ASAP1: variants seen among roughly 807,000 people sequenced by gnomAD.
ASAP1 encodes ArfGAP with SH3 domain, ankyrin repeat and PH domain 1, also known as arf-GAP with SH3 domain, ANK repeat and PH domain-containing protein 1.
In ASAP1, 43 loss-of-function variants were observed where a neutral mutation model predicts 145.2. That is an observed-to-expected ratio of 0.30 (90% CI 0.23 to 0.38). ASAP1 has a LOEUF of 0.38. Among genes scored for constraint, ASAP1 ranks in the 10% least tolerant of loss-of-function variants. The pLI, the probability that ASAP1 is intolerant of heterozygous loss-of-function variation, is 1.00. For missense variants in ASAP1, 1,018 were observed against 1,355.3 expected, an observed-to-expected ratio of 0.75 and a Z score of 3.91; for synonymous variants, 546 against 515.5, an observed-to-expected ratio of 1.06 and a Z score of -0.80.
chr8:130,087,139 C>A (rs2097495195), intron 25 of ASAP1, among the ~76,000 whole-genome samples: 1 of 152,270 alleles, frequency 6.6e-6, no homozygotes, highest in African/African-American at 2.4e-5. Flanking sequence ...TCAGCCATGG[C>A]TACTCTGCAA....
rs907234279 is a variant in ASAP1 at position 130,053,943 on chromosome 8, T to C, written c.*788A>G. On this transcript the variant is annotated 3_prime_UTR_variant, in exon 30 of 30. Coordinates refer to ENST00000518721, the MANE Select transcript of ASAP1 (RefSeq NM_018482.4). ...TAAGCTTCTAAATGCATGCGTAATG[T>C]AGAGGCTAATATTTTCTGGCAGTCC... The C allele has an allele frequency of 1.3e-5, 2 of 152,644 alleles. No individual in the cohort carries two copies. The highest frequency in any genetic ancestry group is 2.9e-5 in the Non-Finnish European group (2 of 68,034). The allele number at this position is 152,644 out of a possible 1,614,324, so 9.5% of individuals were successfully genotyped here.
At chr8:130,107,209 G>A (rs763073750) in intron 24 of ASAP1, among the ~76,000 whole-genome samples, 9 of 140,166 alleles carry the variant, frequency 6.4e-5, no homozygotes, top group Non-Finnish European at 1.1e-4. Context: ...TTGAGACGGA[G>A]TCTCACCCTG....
chr8:130,054,644 G>A lies in ASAP1; in HGVS notation c.*87C>T. The A allele has an allele frequency of 8.9e-7, 1 of 1,124,766 alleles. No individual in the cohort carries two copies. 69.7% of individuals were successfully genotyped at this position (1,124,766 alleles called of 1,614,324 possible). A position where few individuals can be genotyped will look rare whatever the true frequency, so the allele number is the denominator to read the frequency against. Reference sequence around the variant, plus strand: ...TCCATGAGTTTCTTACTCTGTAACAGCAGCTATATACACACTGTGCCCAGG... The same window carrying A: ...TCCATGAGTTTCTTACTCTGTAACAACAGCTATATACACACTGTGCCCAGG... On this transcript the variant is annotated 3_prime_UTR_variant, in exon 30 of 30. Transcript: ENST00000518721.
At chr8:130,072,825 G>GTGCGTGTGCGCGCGCGCGCA in intron 27 of ASAP1, among the ~76,000 whole-genome samples, 1 of 54,098 alleles carries the variant, frequency 1.8e-5, no homozygotes. Flanking sequence ...GTGTGTGTGT[G>GTGCGTGTGCGCGCGCGCGCA]CGCGCGGGGG....
chr8:130,411,736 T>C (rs187203312), intron 1 of ASAP1, among the ~76,000 whole-genome samples: 1 of 152,234 alleles, frequency 6.6e-6, no homozygotes, highest in East Asian at 1.9e-4. Flanking sequence ...AGCCCAAAAC[T>C]AGAAATGACA....
At chr8:130,370,628 T>G (rs1827170187) in intron 2 of ASAP1, among the ~76,000 whole-genome samples, 1 of 152,030 alleles carries the variant, frequency 6.6e-6, no homozygotes, top group African/African-American at 2.4e-5. Flanking sequence ...ATTCTTAACA[T>G]TCAAAAAAAT....
At chr8:130,171,378 G>A (rs1251118931) in intron 9 of ASAP1, among the ~76,000 whole-genome samples, 1 of 152,122 alleles carries the variant, frequency 6.6e-6, no homozygotes, top group African/African-American at 2.4e-5. Context: ...CATGGCTAGG[G>A]AGACCTCAGG....
chr8:130,332,300 ACT>A (rs1243306956), intron 3 of ASAP1, among the ~76,000 whole-genome samples: 3 of 152,022 alleles, frequency 2.0e-5, no homozygotes, highest in South Asian at 4.2e-4. Context: ...TATAATGAAA[ACT>A]CTGTCTTTTT....
intron 3 of ASAP1, among the ~76,000 whole-genome samples, chr8:130,238,297 G>A (rs1332769518): frequency 6.6e-6 from 1 of 152,064 alleles, no homozygotes; most frequent in Non-Finnish European, 1.5e-5. Context: ...GACTGCCAGT[G>A]GTTCTGTTTC....
At chr8:130,127,200 T>C (rs1240159351) in intron 16 of ASAP1, among the ~76,000 whole-genome samples, 1 of 152,162 alleles carries the variant, frequency 6.6e-6, no homozygotes, top group African/African-American at 2.4e-5. Flanking sequence ...CACATGTCAG[T>C]TGATTTCACA....
At chr8:130,312,361 T>C (rs1262618230) in intron 3 of ASAP1, among the ~76,000 whole-genome samples, 1 of 151,446 alleles carries the variant, frequency 6.6e-6, no homozygotes, top group African/African-American at 2.4e-5. Flanking sequence ...CCTTGAGCAC[T>C]GATGGCACCT....
chr8:130,284,901 A>AAG (rs371375198), intron 3 of ASAP1, among the ~76,000 whole-genome samples: 5 of 143,416 alleles, frequency 3.5e-5, no homozygotes, highest in Admixed American at 7.1e-5. Flanking sequence ...GAGAGAGAGA[A>AAG]AGAGAGAGAG....
intron 5 of ASAP1, among the ~76,000 whole-genome samples, chr8:130,206,429 T>C (rs1026769344): frequency 2.0e-5 from 3 of 151,958 alleles, no homozygotes; most frequent in African/African-American, 7.3e-5. Flanking sequence ...ATATTCTTAT[T>C]TGAGGGGAAA....
At chr8:130,088,484 G>C (rs939239637) in intron 25 of ASAP1, among the ~76,000 whole-genome samples, 2 of 152,156 alleles carry the variant, frequency 1.3e-5, no homozygotes, top group Non-Finnish European at 2.9e-5. Flanking sequence ...AGAACACAGA[G>C]AGGCGGCGGC....
chr8:130,179,387 C>T (rs61558949), intron 8 of ASAP1, 38 bp from the exon 9 acceptor site: 186,693 of 1,315,362 alleles, frequency 0.14, 14,547 homozygotes, highest in African/African-American at 0.29. Context: ...TGATTAATTC[C>T]AGATGGGGCT....
chr8:130,307,890 T>G (rs1444443223), intron 3 of ASAP1, among the ~76,000 whole-genome samples: 2 of 152,186 alleles, frequency 1.3e-5, no homozygotes, highest in African/African-American at 4.8e-5. Flanking sequence ...TCCTAATATA[T>G]AAAATGGATT....
intron 3 of ASAP1, among the ~76,000 whole-genome samples, chr8:130,326,545 C>A (rs577982788): frequency 3.0e-4 from 45 of 152,216 alleles, no homozygotes; most frequent in Non-Finnish European, 5.4e-4. Flanking sequence ...CCTGTTGCAA[C>A]AACTTTCATT....
chr8:130,076,989 G>A lies in ASAP1; in HGVS notation c.2643-583C>T, dbSNP rs896235672. ...GCACACTCTAAGTGGTGACCCCAAT[G>A]TAGTGCACAGAAGTAACTCTTCCCA... On this transcript the variant is annotated intron_variant, in intron 26 of 29. Transcript: ENST00000518721. 3.3e-5 allele frequency among the ~76,000 whole-genome samples: 5 copies of A among 152,216 alleles called. No homozygotes were observed. The East Asian group carries it at 9.6e-4, about 29-fold the overall frequency.
At chr8:130,072,825 G>GTGTGCATGTGCGCGCGCGCGCGCA in intron 27 of ASAP1, among the ~76,000 whole-genome samples, 42 of 54,116 alleles carry the variant, frequency 7.8e-4, no homozygotes, top group Non-Finnish European at 1.2e-3. Flanking sequence ...GTGTGTGTGT[G>GTGTGCATGTGCGCGCGCGCGCGCA]CGCGCGGGGG....
Sources: allele counts gnomAD v4.1 joint callset (sites outside exome capture counted in the v4.1 genomes callset), GRCh38; gene constraint gnomAD v4.1.1; transcripts MANE v1.5; gene names NCBI Gene and HGNC (gene_info 2026-07-23, HGNC 2026-07-21).